The following MUSK variants were observed in gnomAD, a reference collection of about 807,000 sequenced individuals.
The protein encoded by MUSK is muscle, skeletal receptor tyrosine-protein kinase.
MUSK carries 55 observed loss-of-function variants against 88.7 expected under a neutral mutation model. The ratio of observed to expected loss-of-function variants is 0.62; its 90% CI spans 0.50 to 0.78. The LOEUF is 0.78. Ranked by LOEUF, MUSK falls within the 30% of genes least tolerant of loss-of-function variation. The pLI, the probability that MUSK is intolerant of heterozygous loss-of-function variation, is 0.00. For missense variants in MUSK, 1,015 were observed against 1,074.3 expected (o/e 0.94, Z 0.77); for synonymous variants, 387 against 391.9 (o/e 0.99, Z 0.15).
At chr9:110,718,713 G>A (rs1025581206) in intron 5 of MUSK, among the ~76,000 whole-genome samples, 8 of 151,864 alleles carry the variant, frequency 5.3e-5, no homozygotes, top group South Asian at 2.1e-4. Context: ...CTAGACATCC[G>A]AATACAAGAA....
chr9:110,776,027 G>A (rs1327903907), intron 10 of MUSK, 64 bp downstream of exon 10: 6 of 1,497,208 alleles, frequency 4.0e-6, no homozygotes, highest in Non-Finnish European at 5.4e-6. Context: ...AAGAAACTAA[G>A]GTGTGAACTT....
At chr9:110,752,001 A>G (rs2077254378) in intron 7 of MUSK, among the ~76,000 whole-genome samples, 1 of 152,192 alleles carries the variant, frequency 6.6e-6, no homozygotes, top group African/African-American at 2.4e-5. Context: ...ATCTAGTGTT[A>G]TTCCCTGGAA....
Position 110,721,451 on chromosome 9 carries a change from C to A in MUSK, c.629-12800C>A, listed in dbSNP as rs117553277. Among the ~76,000 whole-genome samples the A allele has an allele frequency of 1.2e-3, 176 of 152,070 alleles. 2 individuals carry two copies. The East Asian group carries it at 0.031, about 27-fold the overall frequency. Reference sequence around the variant, plus strand: ...AGTTCTCCTATACAGCAACAGTGACCAAGCTGAAAATCAAATCAAGAACTC... The same window carrying A: ...AGTTCTCCTATACAGCAACAGTGACAAAGCTGAAAATCAAATCAAGAACTC... On this transcript the variant is annotated intron_variant, in intron 5 of 14. Transcript: ENST00000374448.
chr9:110,742,432 G>A (rs1247453408), intron 6 of MUSK, among the ~76,000 whole-genome samples: 1 of 152,030 alleles, frequency 6.6e-6, no homozygotes, highest in Non-Finnish European at 1.5e-5. Flanking sequence ...CTCCAGTCTG[G>A]GCAACAGAGA....
chr9:110,698,694 A>G (rs2076464380), intron 5 of MUSK, among the ~76,000 whole-genome samples: 1 of 152,180 alleles, frequency 6.6e-6, no homozygotes, highest in Non-Finnish European at 1.5e-5. Context: ...TTCCTCATGG[A>G]AAATAATGAG....
chr9:110,697,250 A>T, intron 4 of MUSK, 75 bp from the exon 5 acceptor site: 1 of 1,474,130 alleles, frequency 6.8e-7, no homozygotes, highest in Non-Finnish European at 9.4e-7. Context: ...GATGACAATA[A>T]GTTGATGATA....
chr9:110,681,892 A>C (rs1244495132), intron 1 of MUSK, among the ~76,000 whole-genome samples: 3 of 152,110 alleles, frequency 2.0e-5, no homozygotes, highest in Non-Finnish European at 4.4e-5. Flanking sequence ...CTTGCCCTTT[A>C]ACTGAAGGGA....
rs865907539 is a variant in MUSK at position 110,785,585 on chromosome 9, C to T, written c.1645C>T (p.His549Tyr). 1 of 1,613,476 alleles carries T rather than the reference C, an allele frequency of 6.2e-7. No individual in the cohort carries two copies. Among genetic ancestry groups the T allele is most frequent in the Middle Eastern group, 1.7e-4 (1 of 6,058 alleles). ...LPSELLLDRL[H>Y]PNPMYQRMPL... is the part of the protein sequence containing the mutation. Reference sequence around the variant, plus strand: ...TTCTGAGCTCTTACTAGATAGACTTCATCCCAACCCCATGTACCAGAGGAT... The same window carrying T: ...TTCTGAGCTCTTACTAGATAGACTTTATCCCAACCCCATGTACCAGAGGAT... The change falls in exon 13 of 15, where the codon CAT becomes TAT. Residue 549 changes from histidine to tyrosine, a missense_variant. By Grantham distance (83) the His-to-Tyr change is moderately conservative. Transcript: ENST00000374448.
intron 5 of MUSK, among the ~76,000 whole-genome samples, chr9:110,731,799 G>C (rs975628636): frequency 6.6e-5 from 10 of 152,036 alleles, no homozygotes; most frequent in African/African-American, 2.4e-4. Flanking sequence ...ACGTTGAATT[G>C]ACTCTGTTTT....
At chr9:110,774,693 C>T (rs559281985) in intron 9 of MUSK, among the ~76,000 whole-genome samples, 1 of 152,274 alleles carries the variant, frequency 6.6e-6, no homozygotes, top group Admixed American at 6.5e-5. Context: ...CCCTTACGCA[C>T]ACCAAGAATT....
intron 5 of MUSK, among the ~76,000 whole-genome samples, chr9:110,702,009 T>C (rs77445085): frequency 6.7e-6 from 1 of 149,952 alleles, no homozygotes; most frequent in African/African-American, 2.5e-5. Flanking sequence ...TCCCAAAATG[T>C]TGGGATTATA....
At chr9:110,797,162 CAAAAAAAA>C (rs34924295) in intron 14 of MUSK, among the ~76,000 whole-genome samples, 7 of 16,814 alleles carry the variant, frequency 4.2e-4, no homozygotes, top group African/African-American at 8.6e-4. Flanking sequence ...CATGAATACC[CAAAAAAAA>C]AAAAAAAAAA....
chr9:110,678,072 T>C (rs1024668005), intron 1 of MUSK, among the ~76,000 whole-genome samples: 7 of 152,106 alleles, frequency 4.6e-5, no homozygotes, highest in Non-Finnish European at 7.4e-5. Flanking sequence ...ATTCCAAAGA[T>C]TGATTTGAGA....
intron 6 of MUSK, among the ~76,000 whole-genome samples, chr9:110,747,297 T>C (rs2077185396): frequency 6.6e-6 from 1 of 152,206 alleles, no homozygotes; most frequent in Non-Finnish European, 1.5e-5. Flanking sequence ...GTGTGTTTCA[T>C]CTTCTACCAT....
At chr9:110,693,243 T>G (rs765062534) in intron 3 of MUSK, among the ~76,000 whole-genome samples, 8 of 152,202 alleles carry the variant, frequency 5.3e-5, no homozygotes, top group Admixed American at 5.2e-4. Context: ...TGATTTGGGT[T>G]CTATACTAAA....
At chr9:110,765,775 T>C (rs1266312902) in intron 8 of MUSK, among the ~76,000 whole-genome samples, 12 of 152,070 alleles carry the variant, frequency 7.9e-5, no homozygotes, top group Admixed American at 7.9e-4. Context: ...GGTTTCTCGA[T>C]GTCGGCCAGG....
intron 5 of MUSK, among the ~76,000 whole-genome samples, chr9:110,714,751 C>T (rs1376921643): frequency 6.6e-6 from 1 of 152,124 alleles, no homozygotes; most frequent in East Asian, 1.9e-4. Context: ...CTTTTTCAAC[C>T]ACCCAGGGCC....
chr9:110,772,583 G>A (rs902106548), intron 9 of MUSK, among the ~76,000 whole-genome samples: 3 of 151,534 alleles, frequency 2.0e-5, no homozygotes, highest in African/African-American at 7.3e-5. Flanking sequence ...ATAAAAATTG[G>A]CATTTATAAA....
intron 3 of MUSK, among the ~76,000 whole-genome samples, chr9:110,693,125 TAATG>T (rs1449027616): frequency 6.6e-6 from 1 of 152,194 alleles, no homozygotes; most frequent in African/African-American, 2.4e-5. Context: ...ATTTGCTAAA[TAATG>T]AAGACTTCAT....
Sources: allele counts gnomAD v4.1 joint callset (sites outside exome capture counted in the v4.1 genomes callset), GRCh38; gene constraint gnomAD v4.1.1; transcripts MANE v1.5; gene names NCBI Gene and HGNC (gene_info 2026-07-23, HGNC 2026-07-21).